Variants in SCN9A observed in about 807,000 individuals in gnomAD.
SCN9A encodes sodium voltage-gated channel alpha subunit 9, also known as sodium channel protein type 9 subunit alpha.
A neutral mutation model predicts 187.0 loss-of-function variants in SCN9A; 131 were observed. That is an observed-to-expected ratio of 0.70 (90% CI 0.61 to 0.81). The LOEUF is 0.81. Among genes scored for constraint, SCN9A ranks in the 30% least tolerant of loss-of-function variants. The pLI is 0.00. For synonymous variants in SCN9A, 809 were observed against 808.6 expected (o/e 1.00, Z -0.01); for missense variants, 2,252 against 2,396.6 (o/e 0.94, Z 1.26).
chr2:166,293,443 T>G (rs951962659), intron 8 of SCN9A, 71 bp from the exon 9 acceptor site: 253 of 1,361,508 alleles, frequency 1.9e-4, no homozygotes, highest in Non-Finnish European at 2.5e-4. Context: ...TACTGAAAAG[T>G]TACAAACTCA....
In SCN9A at chr2:166,293,318, G is replaced by C; in HGVS notation, c.1020C>G (p.Gly340=). The change falls in exon 9 of 27, where the codon GGC becomes GGG. Residue 340 remains glycine, a synonymous_variant. Coordinates refer to ENST00000642356, the MANE Select transcript of SCN9A (RefSeq NM_001365536.1). ...AGCTGAAAGTGTCAAAGCTCGTGTAGCCATAATCAGGGTTTCTGCCAATTT... is the reference window on the plus strand; with the variant it reads ...AGCTGAAAGTGTCAAAGCTCGTGTACCCATAATCAGGGTTTCTGCCAATTT... The part of the protein sequence containing the change: ...CVKIGRNPDY[G]YTSFDTFSWA... 1 of 1,608,002 alleles carries C rather than the reference G, an allele frequency of 6.2e-7. No homozygotes were observed. Among genetic ancestry groups the C allele is most frequent in the Non-Finnish European group, 8.5e-7 (1 of 1,176,944 alleles).
In SCN9A at chr2:166,230,441, G is replaced by A. The variant is rs541651338; in HGVS notation, c.3925-1469C>T. 1.9e-3 allele frequency among the ~76,000 whole-genome samples: 289 copies of A among 152,244 alleles called. 2 individuals are homozygous for A. The highest frequency in any genetic ancestry group is 6.8e-3 in the Middle Eastern group (2 of 294). On this transcript the variant is annotated intron_variant, in intron 21 of 26. Transcript: ENST00000642356. ...CTCTTAATAGAGCCTACCTTTTCATGCTCATTTCCTGCTGCCCTCCCTACT... is the reference window on the plus strand; with the variant it reads ...CTCTTAATAGAGCCTACCTTTTCATACTCATTTCCTGCTGCCCTCCCTACT...
At chr2:166,256,317 G>A (rs1335453825) in intron 17 of SCN9A, among the ~76,000 whole-genome samples, 1 of 150,468 alleles carries the variant, frequency 6.6e-6, no homozygotes, top group Non-Finnish European at 1.5e-5. Flanking sequence ...AGATTTCTGG[G>A]CCCCTTGAGG....
In SCN9A at chr2:166,198,939, A is replaced by G; in HGVS notation, c.5700T>C (p.Tyr1900=). 1 of 1,614,010 alleles carries G rather than the reference A, an allele frequency of 6.2e-7. No homozygotes were observed. The highest frequency in any genetic ancestry group is 8.5e-7 in the Non-Finnish European group (1 of 1,179,890). The change falls in exon 27 of 27, where the codon TAT becomes TAC. Residue 1900 remains tyrosine (Y), a synonymous_variant. Coordinates refer to ENST00000642356, the MANE Select transcript of SCN9A (RefSeq NM_001365536.1). ...CATTTTGCCTTAAGCGGTAACGTCT[A>G]TAAGCACGCTGAATGACAGTAGCAG... ...DVSATVIQRA[Y]RRYRLRQNVK...
chr2:166,284,645 G>A lies in SCN9A; in HGVS notation c.1782C>T (p.Pro594=), dbSNP rs1697650930. ...TGATGTTACTGCTGCGTCGCTCCTG[G>A]GGTCTGTGGGGCACAAACAGTGAGC... is the stretch of plus-strand genomic sequence containing the variant. ...RRGSLFVPHR[P]QERRSSNISQ... Residue 594 remains proline (P), a synonymous_variant, in exon 12 of 27, where the codon CCC becomes CCT. Transcript: ENST00000642356. The A allele has an allele frequency of 1.2e-6, 2 of 1,613,960 alleles. No homozygotes were observed. The highest frequency in any genetic ancestry group is 1.1e-5 in the South Asian group (1 of 91,086).
intron 17 of SCN9A, among the ~76,000 whole-genome samples, chr2:166,270,750 G>A (rs1159252547): frequency 7.3e-6 from 1 of 137,100 alleles, no homozygotes; most frequent in Non-Finnish European, 1.6e-5. Context: ...TCAGCCTCCT[G>A]AGCATTTTAC....
At chr2:166,290,648 T>C (rs1179449398) in intron 9 of SCN9A, among the ~76,000 whole-genome samples, 1 of 152,192 alleles carries the variant, frequency 6.6e-6, no homozygotes, top group African/African-American at 2.4e-5. Context: ...GGTTTTGATT[T>C]GCGTTTCTTA....
At chr2:166,205,918 C>T (rs1481855993) in intron 24 of SCN9A, among the ~76,000 whole-genome samples, 2 of 152,174 alleles carry the variant, frequency 1.3e-5, no homozygotes, top group Non-Finnish European at 2.9e-5. Context: ...AAAAAATGCT[C>T]ATCATCACTG....
chr2:166,359,878 G>A (rs960476813), intron 1 of SCN9A, among the ~76,000 whole-genome samples: 9 of 151,368 alleles, frequency 5.9e-5, no homozygotes, highest in African/African-American at 2.2e-4. Context: ...TAAGATAGAA[G>A]TTAGTCTTAT....
At chr2:166,236,659 G>C (rs1695332104) in intron 20 of SCN9A, among the ~76,000 whole-genome samples, 1 of 152,094 alleles carries the variant, frequency 6.6e-6, no homozygotes, top group Admixed American at 6.6e-5. Flanking sequence ...CTGACCTCAG[G>C]TGATCCACCT....
At chr2:166,289,172 A>G (rs1697924045) in intron 9 of SCN9A, among the ~76,000 whole-genome samples, 1 of 151,636 alleles carries the variant, frequency 6.6e-6, no homozygotes, top group African/African-American at 2.4e-5. Context: ...TTTTAGGATT[A>G]GAGGAAAATT....
At chr2:166,350,967 ATTATT>A (rs991458893) in intron 1 of SCN9A, among the ~76,000 whole-genome samples, 1 of 152,182 alleles carries the variant, frequency 6.6e-6, no homozygotes, top group African/African-American at 2.4e-5. Flanking sequence ...TTTTTAAAAC[ATTATT>A]TTAACAAAAA....
chr2:166,364,532 C>T (rs1244735217), intron 1 of SCN9A, among the ~76,000 whole-genome samples: 3 of 152,040 alleles, frequency 2.0e-5, no homozygotes, highest in African/African-American at 4.8e-5. Context: ...TGCTACGACC[C>T]GGATGAACAC....
intron 17 of SCN9A, among the ~76,000 whole-genome samples, chr2:166,261,117 T>C (rs1396862084): frequency 6.6e-6 from 1 of 151,910 alleles, no homozygotes; most frequent in Non-Finnish European, 1.5e-5. Context: ...TCTCTTAAAA[T>C]AGAAAATTAC....
chr2:166,231,370 C>T (rs1558967999), intron 21 of SCN9A, among the ~76,000 whole-genome samples: 1 of 152,016 alleles, frequency 6.6e-6, no homozygotes, highest in Non-Finnish European at 1.5e-5. Flanking sequence ...AACCGTTATA[C>T]ACTGGATAAT....
chr2:166,282,331 T>C (rs1354938240), intron 12 of SCN9A, among the ~76,000 whole-genome samples: 1 of 152,164 alleles, frequency 6.6e-6, no homozygotes, highest in Non-Finnish European at 1.5e-5. Flanking sequence ...CCTCATGAAC[T>C]GAGCAGAGCA....
chr2:166,210,754 T>G (rs959836300), intron 24 of SCN9A, among the ~76,000 whole-genome samples: 1 of 152,020 alleles, frequency 6.6e-6, no homozygotes, highest in African/African-American at 2.4e-5. Flanking sequence ...GAATCCCAAA[T>G]AGGACAAATC....
intron 1 of SCN9A, among the ~76,000 whole-genome samples, chr2:166,356,839 G>T (rs1700161717): frequency 6.6e-6 from 1 of 152,116 alleles, no homozygotes; most frequent in East Asian, 1.9e-4. Flanking sequence ...CTATTGTACA[G>T]CTGTACCCAA....
intron 24 of SCN9A, among the ~76,000 whole-genome samples, chr2:166,214,689 T>G (rs1219959486): frequency 2.6e-5 from 4 of 150,956 alleles, no homozygotes; most frequent in Admixed American, 2.6e-4. Context: ...TAATTTTTTG[T>G]ATTTTTAGTA....
Sources: allele counts gnomAD v4.1 joint callset (sites outside exome capture counted in the v4.1 genomes callset), GRCh38; gene constraint gnomAD v4.1.1; transcripts MANE v1.5; gene names NCBI Gene and HGNC (gene_info 2026-07-23, HGNC 2026-07-21).